ARHGAP6: variants seen among roughly 807,000 people sequenced by gnomAD.
ARHGAP6 encodes rho GTPase-activating protein 6.
A neutral mutation model predicts 55.7 loss-of-function variants in ARHGAP6; 16 were observed. That is an observed-to-expected ratio of 0.29 (90% CI 0.19 to 0.44). The LOEUF (loss-of-function observed/expected upper bound fraction) is 0.44. ARHGAP6 is among the 20% of genes least tolerant of loss of function. The pLI is 1.00. For synonymous variants in ARHGAP6, 382 were observed against 360.9 expected (o/e 1.06, Z -0.66); for missense variants, 698 against 808.9 (o/e 0.86, Z 1.66).
intron 1 of ARHGAP6, among the ~76,000 whole-genome samples, chrX:11,270,708 C>T (rs1009045018): frequency 9.0e-6 from 1 of 111,397 alleles, no homozygotes. Context: ...AACCGGTAAA[C>T]GGAGGCTCTA....
intron 1 of ARHGAP6, among the ~76,000 whole-genome samples, chrX:11,654,830 G>A (rs1301987165): frequency 8.9e-6 from 1 of 111,734 alleles, no homozygotes; most frequent in Admixed American, 9.5e-5. Flanking sequence ...TTATATTTAT[G>A]TTTTATTGAA....
intron 1 of ARHGAP6, among the ~76,000 whole-genome samples, chrX:11,403,026 C>T (rs1308266598): frequency 8.9e-6 from 1 of 112,077 alleles, no homozygotes; most frequent in African/African-American, 3.2e-5. Flanking sequence ...CAATAGTTTG[C>T]GTTGGCTGCT....
At chrX:11,575,438 A>G (rs904701689) in intron 1 of ARHGAP6, among the ~76,000 whole-genome samples, 1 of 112,151 alleles carries the variant, frequency 8.9e-6, no homozygotes. Flanking sequence ...AGGTGCTGCC[A>G]TAACCAAGAC....
intron 1 of ARHGAP6, among the ~76,000 whole-genome samples, chrX:11,653,571 GTTAT>G (rs1467206504): frequency 8.9e-6 from 1 of 112,136 alleles, no homozygotes; most frequent in African/African-American, 3.2e-5. Flanking sequence ...CATCTCTAAT[GTTAT>G]TTAGCCTTGC....
At chrX:11,609,933 C>T (rs1020775145) in intron 1 of ARHGAP6, among the ~76,000 whole-genome samples, 7 of 111,615 alleles carry the variant, frequency 6.3e-5, no homozygotes, top group African/African-American at 6.5e-5. Flanking sequence ...TGCCTCCAGG[C>T]GTGTGCAGGT....
At position 11,258,486 on chromosome X, in the gene ARHGAP6, G is replaced by GA. The variant is rs199645948; in HGVS notation, c.589-3780dup. ...CATGGTGAAAATGGTATTTTCTTTT[G>GA]AAAAAACAGAATTAAAACATTACTA... On this transcript the variant is annotated intron_variant, in intron 1 of 12. Coordinates refer to ENST00000337414, the MANE Select transcript of ARHGAP6 (RefSeq NM_013427.3). Among the ~76,000 whole-genome samples the GA allele has an allele frequency of 9.6e-3, 1,066 of 110,850 alleles. 6 individuals are homozygous for GA. Among genetic ancestry groups the GA allele is most frequent in the African/African-American group, 0.018 (557 of 30,555 alleles).
intron 1 of ARHGAP6, among the ~76,000 whole-genome samples, chrX:11,640,451 C>A (rs1242519431): frequency 8.9e-6 from 1 of 112,228 alleles, no homozygotes; most frequent in Non-Finnish European, 1.9e-5. Flanking sequence ...AAATTGAATA[C>A]ATAAATGCAA....
At chrX:11,653,854 T>C (rs746760145) in intron 1 of ARHGAP6, among the ~76,000 whole-genome samples, 4 of 111,836 alleles carry the variant, frequency 3.6e-5, no homozygotes, top group East Asian at 2.8e-4. Context: ...TGAATCTGAG[T>C]CTCAGTGTCC....
intron 2 of ARHGAP6, among the ~76,000 whole-genome samples, chrX:11,228,355 C>T (rs1177426005): frequency 8.9e-6 from 1 of 111,770 alleles, no homozygotes; most frequent in Non-Finnish European, 1.9e-5. Context: ...TTTGGAGCTC[C>T]ATGTATTGAT....
intron 1 of ARHGAP6, chrX:11,427,793 G>T: frequency 1.3e-6 from 1 of 757,479 alleles, no homozygotes; most frequent in African/African-American, 2.4e-5. Flanking sequence ...GGAGAAGGCA[G>T]CGGCGCGAAG....
At chrX:11,585,035 G>C (rs1332812296) in intron 1 of ARHGAP6, among the ~76,000 whole-genome samples, 1 of 111,606 alleles carries the variant, frequency 9.0e-6, no homozygotes, top group Non-Finnish European at 1.9e-5. Flanking sequence ...TACAGTATTT[G>C]GTTTTCTGCT....
chrX:11,603,825 A>G (rs2052004351), intron 1 of ARHGAP6, among the ~76,000 whole-genome samples: 1 of 112,254 alleles, frequency 8.9e-6, no homozygotes, highest in African/African-American at 3.2e-5. Flanking sequence ...TTAACAAGAT[A>G]AAAGAGTATA....
intron 1 of ARHGAP6, among the ~76,000 whole-genome samples, chrX:11,588,771 C>T (rs1388453313): frequency 1.8e-5 from 2 of 111,296 alleles, no homozygotes; most frequent in African/African-American, 3.3e-5. Context: ...AGGAGGAGAA[C>T]GGAATGAGGG....
In ARHGAP6 at chrX:11,458,958, T is replaced by G. The variant is rs375819496; in HGVS notation, c.589-204251A>C. ...GTGGGATGGGGTGGGGTGAGGAAGC[T>G]TGCAGTATTAGATAATGTGGTCAGG... On this transcript the variant is annotated intron_variant, in intron 1 of 12. Coordinates refer to ENST00000337414, the MANE Select transcript of ARHGAP6 (RefSeq NM_013427.3). Among the ~76,000 whole-genome samples the G allele has an allele frequency of 3.4e-4, 38 of 111,142 alleles. No homozygotes were observed. In the East Asian group the frequency reaches 9.0e-3, roughly 26 times the overall value.
intron 1 of ARHGAP6, among the ~76,000 whole-genome samples, chrX:11,608,039 C>G (rs1354002071): frequency 1.8e-5 from 2 of 112,151 alleles, no homozygotes; most frequent in Non-Finnish European, 3.8e-5. Context: ...TTTGTCCTTA[C>G]TGGACAAAAA....
At chrX:11,231,928 G>A (rs745503772) in intron 2 of ARHGAP6, among the ~76,000 whole-genome samples, 1 of 112,177 alleles carries the variant, frequency 8.9e-6, no homozygotes, top group South Asian at 3.7e-4. Flanking sequence ...GGTACATGTT[G>A]AATAAATGTT....
At chrX:11,348,622 G>A (rs946907807) in intron 1 of ARHGAP6, among the ~76,000 whole-genome samples, 15 of 111,727 alleles carry the variant, frequency 1.3e-4, no homozygotes, top group African/African-American at 1.6e-4. Flanking sequence ...ATCTGAGGTC[G>A]TCATTTAGTC....
At chrX:11,203,959 A>T (rs899141297) in intron 2 of ARHGAP6, among the ~76,000 whole-genome samples, 2 of 111,457 alleles carry the variant, frequency 1.8e-5, no homozygotes, top group Non-Finnish European at 3.8e-5. Context: ...GTACTTTTCT[A>T]CCAATTATGG....
At chrX:11,309,756 T>C (rs1325081885) in intron 1 of ARHGAP6, among the ~76,000 whole-genome samples, 1 of 110,626 alleles carries the variant, frequency 9.0e-6, no homozygotes, top group African/African-American at 3.3e-5. Context: ...GACAACCTAA[T>C]TGAAAAATAA....
Sources: gnomAD v4.1 joint callset for allele counts (sites outside exome capture counted in the v4.1 genomes callset) on GRCh38, gnomAD v4.1.1 for gene constraint, MANE v1.5 for transcripts, NCBI Gene and HGNC (gene_info 2026-07-23, HGNC 2026-07-21) for gene names.